Variants in ZNF398 observed in about 807,000 individuals in gnomAD.
The protein encoded by ZNF398 is zinc finger DNA binding protein ZER6.
Under a neutral mutation model 41.9 loss-of-function variants are expected in ZNF398, and 18 were observed. That is an observed-to-expected ratio of 0.43 (90% CI 0.30 to 0.64). The LOEUF is 0.64. ZNF398 is among the 30% of genes least tolerant of loss of function. ZNF398 has a pLI of 0.14. For synonymous variants in ZNF398, 260 were observed against 308.8 expected (o/e 0.84, Z 1.66); for missense variants, 669 against 822.8 (o/e 0.81, Z 2.29).
At position 149,178,637 on chromosome 7, in the gene ZNF398, T is replaced by C. The variant is rs749779242; in HGVS notation, c.776-11T>C. On this transcript the variant is annotated splice_polypyrimidine_tract_variant and intron_variant, in intron 5 of 5. Coordinates refer to ENST00000475153, the MANE Select transcript of ZNF398 (RefSeq NM_170686.3). ...TATTGATGGGTATAACTCTGGAGTC[T>C]TTTCTTTCAGATGAAGAGCTTGTCA... is the stretch of plus-strand genomic sequence containing the variant. 5 of 1,608,632 alleles carry C rather than the reference T, an allele frequency of 3.1e-6. No individual in the cohort carries two copies. The East Asian group carries it at 1.1e-4, about 36-fold the overall frequency.
intron 2 of ZNF398, among the ~76,000 whole-genome samples, chr7:149,155,722 T>TAAA (rs1456656280): frequency 5.4e-5 from 4 of 73,606 alleles, no homozygotes; most frequent in Admixed American, 1.6e-4. Context: ...TTTTTTTTTT[T>TAAA]TTTTTTTAAT....
At chr7:149,166,778 T>C (rs777005064) in intron 3 of ZNF398, 39 bp from the exon 4 acceptor site, 3 of 1,452,766 alleles carry the variant, frequency 2.1e-6, no homozygotes, top group Non-Finnish European at 2.9e-6. Flanking sequence ...TCCTCATTTA[T>C]CTCTTTGTAA....
chr7:149,151,648 C>CCTATA (rs1827116358), intron 1 of ZNF398, among the ~76,000 whole-genome samples: 3 of 151,902 alleles, frequency 2.0e-5, no homozygotes, highest in Non-Finnish European at 1.5e-5. Flanking sequence ...CATGTCAGTG[C>CCTATA]ACTCCAGCCT....
chr7:149,153,883 A>G, intron 1 of ZNF398, 62 bp from the exon 2 acceptor site: 6 of 1,533,016 alleles, frequency 3.9e-6, no homozygotes, highest in Non-Finnish European at 5.3e-6. Context: ...ATCTGATTTT[A>G]GTTTGGAGTT....
At chr7:149,127,655 T>C (rs1826514613) in intron 1 of ZNF398, among the ~76,000 whole-genome samples, 1 of 151,622 alleles carries the variant, frequency 6.6e-6, no homozygotes, top group Non-Finnish European at 1.5e-5. Context: ...AGGCGGAGCT[T>C]GCAGTGAGCC....
At chr7:149,172,996 A>T (rs561104240) in intron 4 of ZNF398, among the ~76,000 whole-genome samples, 2 of 151,988 alleles carry the variant, frequency 1.3e-5, no homozygotes, top group South Asian at 4.1e-4. Flanking sequence ...TCAGAGTCAT[A>T]ATCTTTTTGC....
intron 2 of ZNF398, 58 bp from the exon 3 acceptor site, chr7:149,166,100 A>G: frequency 6.5e-7 from 1 of 1,542,704 alleles, no homozygotes; most frequent in Non-Finnish European, 8.7e-7. Flanking sequence ...TTGGAAAGAG[A>G]TTTATTGAAT....
intron 2 of ZNF398, among the ~76,000 whole-genome samples, chr7:149,156,519 A>AG (rs889778447): frequency 5.3e-5 from 8 of 150,912 alleles, no homozygotes; most frequent in Non-Finnish European, 8.9e-5. Context: ...AAAAAAAAAA[A>AG]AAAAAAAAGA....
At chr7:149,161,348 G>A (rs1045053391) in intron 2 of ZNF398, among the ~76,000 whole-genome samples, 7 of 152,178 alleles carry the variant, frequency 4.6e-5, no homozygotes, top group Non-Finnish European at 1.0e-4. Flanking sequence ...GAGGCCAGGT[G>A]TAGGACACCA....
intron 2 of ZNF398, among the ~76,000 whole-genome samples, chr7:149,141,193 G>A (rs1161817772): frequency 4.0e-5 from 6 of 151,748 alleles, no homozygotes; most frequent in Non-Finnish European, 8.8e-5. Flanking sequence ...AATCATCTTT[G>A]AGTCATGATT....
chr7:149,150,580 CAGTG>C (rs1485888680), intron 1 of ZNF398, among the ~76,000 whole-genome samples: 1 of 152,098 alleles, frequency 6.6e-6, no homozygotes, highest in African/African-American at 2.4e-5. Flanking sequence ...GCCTGGGTGA[CAGTG>C]AGACCTCATC....
Position 149,181,284 on chromosome 7 carries a change from A to C in ZNF398, c.*1483A>C, listed in dbSNP as rs1795584148. The C allele has an allele frequency of 6.6e-6, 1 of 152,400 alleles. No individual in the cohort carries two copies. Among genetic ancestry groups the C allele is most frequent in the African/African-American group, 2.4e-5 (1 of 41,438 alleles). 9.4% of individuals were successfully genotyped at this position (152,400 alleles called of 1,614,324 possible). ...ATAAGACAGCAAAGTCAAAGCAGAT[A>C]AATTCTTGTTGAAACTTGACTAAAA... On this transcript the variant is annotated 3_prime_UTR_variant, in exon 6 of 6. Transcript: ENST00000475153.
At chr7:149,173,358 C>T (rs992599342) in intron 4 of ZNF398, among the ~76,000 whole-genome samples, 31 of 152,094 alleles carry the variant, frequency 2.0e-4, no homozygotes, top group Middle Eastern at 3.4e-3. Context: ...CCACCCGTCT[C>T]GGCCTCCCAA....
intron 2 of ZNF398, among the ~76,000 whole-genome samples, chr7:149,137,292 T>TG (rs1422985159): frequency 1.3e-5 from 2 of 152,208 alleles, no homozygotes; most frequent in African/African-American, 2.4e-5. Context: ...TCATGATTAC[T>TG]GTAGCTTTGG....
At chr7:149,143,430 T>C (rs1826867386), upstream of ZNF398, among the ~76,000 whole-genome samples, 1 of 152,234 alleles carries the variant, frequency 6.6e-6, no homozygotes, top group Non-Finnish European at 1.5e-5. Context: ...AAATCTGTCC[T>C]TGATTCTGTG....
intron 2 of ZNF398, among the ~76,000 whole-genome samples, chr7:149,162,980 A>AAT (rs1309026211): frequency 6.6e-6 from 1 of 151,882 alleles, no homozygotes; most frequent in Non-Finnish European, 1.5e-5. Flanking sequence ...TGTCTCAAAA[A>AAT]ATATATATAT....
intron 2 of ZNF398, among the ~76,000 whole-genome samples, chr7:149,163,659 G>A (rs1795161808): frequency 6.6e-6 from 1 of 152,140 alleles, no homozygotes; most frequent in Admixed American, 6.6e-5. Flanking sequence ...GTTTTTAGTA[G>A]AGACAGGGTT....
chr7:149,164,587 T>A (rs1193011278), intron 2 of ZNF398, among the ~76,000 whole-genome samples: 1 of 151,958 alleles, frequency 6.6e-6, no homozygotes, highest in Non-Finnish European at 1.5e-5. Flanking sequence ...TGTCAGACAA[T>A]GAAATTCTGA....
At chr7:149,163,371 ATT>A (rs36093586) in intron 2 of ZNF398, among the ~76,000 whole-genome samples, 179 of 125,294 alleles carry the variant, frequency 1.4e-3, no homozygotes, top group African/African-American at 4.6e-3. Context: ...TGCCCAGCTA[ATT>A]TTTTTTTTTT....
Sources: gnomAD v4.1 joint callset for allele counts (sites outside exome capture counted in the v4.1 genomes callset) on GRCh38, gnomAD v4.1.1 for gene constraint, MANE v1.5 for transcripts, NCBI Gene and HGNC (gene_info 2026-07-23, HGNC 2026-07-21) for gene names.